Variants in SIPA1L3 observed in about 807,000 individuals in gnomAD.
The protein encoded by SIPA1L3 is signal-induced proliferation-associated 1-like protein 3.
In SIPA1L3, 59 loss-of-function variants were observed where a neutral mutation model predicts 150.1. The observed-to-expected ratio is 0.39, with a 90% CI of 0.32 to 0.49. The LOEUF (loss-of-function observed/expected upper bound fraction) is 0.49, where lower values mean the gene tolerates loss of function less well. Among genes scored for constraint, SIPA1L3 ranks in the 20% least tolerant of loss-of-function variants. The pLI is 0.86. For missense variants in SIPA1L3, 2,211 were observed against 2,489.5 expected, an observed-to-expected ratio of 0.89 and a Z score of 2.38; for synonymous variants, 1,070 against 1,077.6, an observed-to-expected ratio of 0.99 and a Z score of 0.14.
At chr19:37,989,295 C>T (rs1967439742) in intron 1 of SIPA1L3, among the ~76,000 whole-genome samples, 1 of 152,302 alleles carries the variant, frequency 6.6e-6, no homozygotes, top group Non-Finnish European at 1.5e-5. Flanking sequence ...TCATAGCTCA[C>T]TGCAACATCC....
At chr19:37,999,218 C>T (rs1967724080) in intron 1 of SIPA1L3, among the ~76,000 whole-genome samples, 1 of 152,168 alleles carries the variant, frequency 6.6e-6, no homozygotes, top group Non-Finnish European at 1.5e-5. Flanking sequence ...ATCAATTTCT[C>T]ATCTCTTTCC....
Position 38,119,210 on chromosome 19 carries a change from C to T in SIPA1L3, c.2292-96C>T, listed in dbSNP as rs1555788704. On this transcript the variant is annotated intron_variant, in intron 8 of 21. Coordinates refer to ENST00000222345, the MANE Select transcript of SIPA1L3 (RefSeq NM_015073.3). Reference sequence around the variant, plus strand: ...GACCTGTCTCGATAAAACAAACAAACAAAAAACCCTATTCCTATTTTTTGA... The same window carrying T: ...GACCTGTCTCGATAAAACAAACAAATAAAAAACCCTATTCCTATTTTTTGA... The T allele has an allele frequency of 2.4e-6, 3 of 1,245,730 alleles. No individual in the cohort carries two copies. In the Admixed American group the frequency reaches 6.8e-5, roughly 28 times the overall value. 77.2% of individuals were successfully genotyped at this position (1,245,730 alleles called of 1,614,324 possible). A position where few individuals can be genotyped will look rare whatever the true frequency, so the allele number is the denominator to read the frequency against.
intron 4 of SIPA1L3, among the ~76,000 whole-genome samples, chr19:38,089,976 A>G (rs779330855): frequency 3.3e-5 from 5 of 151,994 alleles, no homozygotes; most frequent in African/African-American, 7.2e-5. Context: ...AGCTCTCACC[A>G]TGTCATGGGA....
intron 5 of SIPA1L3, among the ~76,000 whole-genome samples, chr19:38,100,790 C>T (rs1279330279): frequency 6.6e-6 from 1 of 152,236 alleles, no homozygotes; most frequent in Non-Finnish European, 1.5e-5. Flanking sequence ...AGTGTGGCAT[C>T]ACCAGCCGTC....
At chr19:38,051,673 T>G (rs1969199974) in intron 2 of SIPA1L3, among the ~76,000 whole-genome samples, 1 of 152,220 alleles carries the variant, frequency 6.6e-6, no homozygotes, top group Non-Finnish European at 1.5e-5. Context: ...CTTAGCTCAT[T>G]GCAGACTCGA....
intron 2 of SIPA1L3, among the ~76,000 whole-genome samples, chr19:38,030,299 C>A (rs1332598804): frequency 6.6e-6 from 1 of 152,066 alleles, no homozygotes; most frequent in African/African-American, 2.4e-5. Context: ...TGGTGGCTCA[C>A]ACCTGTGATC....
intron 10 of SIPA1L3, among the ~76,000 whole-genome samples, chr19:38,136,390 G>T (rs1353852363): frequency 6.6e-6 from 1 of 151,838 alleles, no homozygotes. Context: ...GATCACCTGA[G>T]ATCAGGAGTT....
chr19:38,037,348 A>G (rs1057216231), intron 2 of SIPA1L3, among the ~76,000 whole-genome samples: 3 of 152,100 alleles, frequency 2.0e-5, no homozygotes, highest in Non-Finnish European at 4.4e-5. Context: ...GGGGCGAGGA[A>G]TGGGGAGAGA....
intron 2 of SIPA1L3, among the ~76,000 whole-genome samples, chr19:38,031,609 A>G (rs546251317): frequency 1.1e-3 from 165 of 152,282 alleles, no homozygotes; most frequent in Admixed American, 2.4e-3. Context: ...TGTGACATCA[A>G]TGCATCATAT....
chr19:38,203,837 G>A, intron 20 of SIPA1L3: 1 of 394,460 alleles, frequency 2.5e-6, no homozygotes, highest in Non-Finnish European at 4.6e-6. Flanking sequence ...CCTCCCTGAA[G>A]TCACATGCAC....
chr19:38,194,370 C>T (rs1211191652), intron 18 of SIPA1L3, among the ~76,000 whole-genome samples: 1 of 147,198 alleles, frequency 6.8e-6, no homozygotes, highest in East Asian at 2.1e-4. Flanking sequence ...CACCTCCTAA[C>T]CCCCCCACAA....
At chr19:38,080,812 A>T (rs1178755973) in intron 2 of SIPA1L3, among the ~76,000 whole-genome samples, 4 of 152,228 alleles carry the variant, frequency 2.6e-5, no homozygotes, top group African/African-American at 9.6e-5. Flanking sequence ...TCTACTAAAA[A>T]TAAGAAAAAT....
At chr19:38,068,572 C>T (rs1251884592) in intron 2 of SIPA1L3, among the ~76,000 whole-genome samples, 1 of 152,090 alleles carries the variant, frequency 6.6e-6, no homozygotes, top group African/African-American at 2.4e-5. Flanking sequence ...ATGGAAGTCC[C>T]TACTTGGCAG....
At chr19:38,153,479 G>C (rs866870755) in intron 13 of SIPA1L3, among the ~76,000 whole-genome samples, 23 of 152,274 alleles carry the variant, frequency 1.5e-4, no homozygotes, top group Admixed American at 1.2e-3. Context: ...AGACCAGCCT[G>C]GCCAACATGT....
intron 1 of SIPA1L3, among the ~76,000 whole-genome samples, chr19:38,013,969 G>A (rs1292446102): frequency 2.0e-5 from 3 of 152,254 alleles, no homozygotes; most frequent in African/African-American, 7.2e-5. Flanking sequence ...AAAATACAGC[G>A]ACAAAAGTCA....
chr19:38,057,457 A>G (rs1969345358), intron 2 of SIPA1L3, among the ~76,000 whole-genome samples: 1 of 151,854 alleles, frequency 6.6e-6, no homozygotes, highest in Admixed American at 6.6e-5. Flanking sequence ...TTTTCTGGGA[A>G]TGCATCTGCA....
chr19:37,991,801 G>C (rs1374411981), intron 1 of SIPA1L3, among the ~76,000 whole-genome samples: 2 of 152,170 alleles, frequency 1.3e-5, no homozygotes, highest in Non-Finnish European at 2.9e-5. Context: ...TGCTAGGACC[G>C]GGGTGGGGTT....
chr19:37,932,503 G>A (rs1020907516), intron 1 of SIPA1L3: 4 of 152,258 alleles, frequency 2.6e-5, no homozygotes, highest in East Asian at 1.9e-4. Context: ...GAGCTGGCAC[G>A]GCAGGTTCCC....
chr19:37,946,080 G>A (rs908841121), intron 1 of SIPA1L3, among the ~76,000 whole-genome samples: 3 of 151,980 alleles, frequency 2.0e-5, no homozygotes, highest in Admixed American at 6.6e-5. Flanking sequence ...GCTTGAACGC[G>A]GGAGGCAGAG....
Sources: gnomAD v4.1 joint callset for allele counts (sites outside exome capture counted in the v4.1 genomes callset) on GRCh38, gnomAD v4.1.1 for gene constraint, MANE v1.5 for transcripts, NCBI Gene and HGNC (gene_info 2026-07-23, HGNC 2026-07-21) for gene names.